SOX6: variants seen among roughly 807,000 people sequenced by gnomAD.
The protein encoded by SOX6 is transcription factor SOX-6.
Under a neutral mutation model 97.8 loss-of-function variants are expected in SOX6, and 11 were observed. That is an observed-to-expected ratio of 0.11 (90% CI 0.07 to 0.19). The LOEUF is 0.19. Ranked by LOEUF, SOX6 falls within the 10% of genes least tolerant of loss-of-function variation. SOX6 has a pLI of 1.00. For missense variants in SOX6, 810 were observed against 1,039.5 expected, an observed-to-expected ratio of 0.78 and a Z score of 3.04; for synonymous variants, 360 against 371.4, an observed-to-expected ratio of 0.97 and a Z score of 0.35.
intron 3 of SOX6, among the ~76,000 whole-genome samples, chr11:16,244,898 A>C (rs1853293148): frequency 6.6e-6 from 1 of 151,820 alleles, no homozygotes; most frequent in Non-Finnish European, 1.5e-5. Flanking sequence ...ACGTGGAATA[A>C]GAATTTGTTC....
intron 15 of SOX6, among the ~76,000 whole-genome samples, chr11:15,976,936 A>T (rs1317392663): frequency 6.6e-6 from 1 of 152,136 alleles, no homozygotes; most frequent in Non-Finnish European, 1.5e-5. Context: ...CCCTCGGAAG[A>T]GTTGGTTATT....
intron 4 of SOX6, among the ~76,000 whole-genome samples, chr11:16,189,169 G>A (rs1851564268): frequency 6.6e-6 from 1 of 152,146 alleles, no homozygotes; most frequent in Non-Finnish European, 1.5e-5. Flanking sequence ...ATGTTCTGTG[G>A]GAGTTTAACC....
intron 6 of SOX6, among the ~76,000 whole-genome samples, chr11:16,163,622 G>C (rs527343190): frequency 6.6e-6 from 1 of 152,284 alleles, no homozygotes; most frequent in Admixed American, 6.5e-5. Context: ...AGGATGAAAA[G>C]TATCTCTCCC....
upstream of SOX6, among the ~76,000 whole-genome samples, chr11:16,356,922 G>A (rs1857091483): frequency 6.6e-6 from 1 of 152,100 alleles, no homozygotes; most frequent in Non-Finnish European, 1.5e-5. Context: ...GTTTGGTAGA[G>A]AGGATACAAT....
intron 4 of SOX6, among the ~76,000 whole-genome samples, chr11:16,199,988 T>G (rs1182455747): frequency 6.6e-6 from 1 of 152,178 alleles, no homozygotes; most frequent in Non-Finnish European, 1.5e-5. Context: ...AAAATTAAAT[T>G]ATATGTCAAT....
chr11:16,307,919 A>G (rs904117469), intron 3 of SOX6, among the ~76,000 whole-genome samples: 1 of 152,150 alleles, frequency 6.6e-6, no homozygotes, highest in African/African-American at 2.4e-5. Flanking sequence ...TGCACTCCCA[A>G]TGCTAGCGGA....
chr11:16,361,094 C>T (rs1857201662), upstream of SOX6, among the ~76,000 whole-genome samples: 1 of 151,856 alleles, frequency 6.6e-6, no homozygotes, highest in Admixed American at 6.6e-5. Flanking sequence ...TATATATATT[C>T]AATCCTTATA....
chr11:16,120,708 A>T (rs1849468855), intron 6 of SOX6, among the ~76,000 whole-genome samples: 1 of 152,020 alleles, frequency 6.6e-6, no homozygotes, highest in Admixed American at 6.6e-5. Context: ...AAAATGCCTA[A>T]ATTATTCACA....
chr11:16,094,439 AAAAGTCCAACAGG>A (rs1252226063), intron 9 of SOX6, among the ~76,000 whole-genome samples: 2 of 151,896 alleles, frequency 1.3e-5, no homozygotes, highest in Non-Finnish European at 2.9e-5. Context: ...AATCCAAAAG[AAAAGTCCAACAGG>A]AAAGTCCAAC....
chr11:16,358,301 C>T (rs1039766540), upstream of SOX6, among the ~76,000 whole-genome samples: 7 of 152,096 alleles, frequency 4.6e-5, no homozygotes, highest in East Asian at 3.8e-4. Context: ...CTGCCATCAA[C>T]GACTTTCAAA....
chr11:16,467,776 CT>C (rs1368290757), intron 1 of SOX6, among the ~76,000 whole-genome samples: 5 of 151,960 alleles, frequency 3.3e-5, no homozygotes, highest in Middle Eastern at 3.4e-3. Context: ...ACATGTACCC[CT>C]GAACTTAAAA....
chr11:16,234,415 A>G (rs952315166), intron 4 of SOX6, among the ~76,000 whole-genome samples, 167 bp downstream of exon 4: 8 of 152,166 alleles, frequency 5.3e-5, no homozygotes, highest in African/African-American at 1.9e-4. Context: ...GTTTGTAAAC[A>G]TTGCAAGGAA....
At chr11:16,735,363 C>A (rs1340754030) in intron 2 of SOX6, among the ~76,000 whole-genome samples, 6 of 152,166 alleles carry the variant, frequency 3.9e-5, no homozygotes, top group Non-Finnish European at 7.4e-5. Flanking sequence ...AGGCCTAGCT[C>A]AAAAACTTTT....
At position 16,613,569 on chromosome 11, in the gene SOX6, A is replaced by C. The variant is rs1848427626; in HGVS notation, n.430-1309T>G. On this transcript the variant is annotated intron_variant and non_coding_transcript_variant, in intron 3 of 5. Coordinates refer to the SOX6 transcript ENST00000524520. This position sits in a 1 kb window ranked among gnomAD's most constrained non-coding sequence, Gnocchi z 4.6. ...GCGGCGTCCCAAACGGGTTCGGCCAAGGGTTTCCACCCCATCACCACTTCC... is the reference window on the plus strand; with the variant it reads ...GCGGCGTCCCAAACGGGTTCGGCCACGGGTTTCCACCCCATCACCACTTCC... Among the ~76,000 whole-genome samples the C allele has an allele frequency of 6.6e-6, 1 of 152,016 alleles. No homozygotes were observed. The highest frequency in any genetic ancestry group is 2.4e-5 in the African/African-American group (1 of 41,394).
chr11:16,225,395 T>C (rs1852655599), intron 4 of SOX6, among the ~76,000 whole-genome samples: 1 of 149,410 alleles, frequency 6.7e-6, no homozygotes, highest in Admixed American at 6.7e-5. Flanking sequence ...ATGCAAAGTT[T>C]ACAGCCATAG....
intron 1 of SOX6, among the ~76,000 whole-genome samples, chr11:16,425,061 T>C (rs1185669356): frequency 6.6e-6 from 1 of 152,250 alleles, no homozygotes; most frequent in Non-Finnish European, 1.5e-5. Context: ...CAGAGGCTTC[T>C]TTTCCTCCTC....
intron 4 of SOX6, among the ~76,000 whole-genome samples, chr11:16,225,059 G>A (rs1816101273): frequency 6.6e-6 from 1 of 151,838 alleles, no homozygotes; most frequent in Non-Finnish European, 1.5e-5. Context: ...AACTGGAAAA[G>A]GAAAAACATC....
chr11:16,300,424 C>G lies in SOX6; in HGVS notation c.445+18022G>C, dbSNP rs922788742. ...CTCAGAGCTGACATTTTTATTCTGA[C>G]AAGCACTGTCTGGAGAGCTCTCAAT... On this transcript the variant is annotated intron_variant, in intron 3 of 15. Transcript: ENST00000683767. This position sits in a 1 kb window ranked among gnomAD's most constrained non-coding sequence, Gnocchi z 4.1. Among the ~76,000 whole-genome samples, 3 of 152,124 alleles carry G rather than the reference C, an allele frequency of 2.0e-5. No individual in the cohort carries two copies. The highest frequency in any genetic ancestry group is 7.2e-5 in the African/African-American group (3 of 41,392).
chr11:16,059,524 CA>C (rs1472472040), intron 9 of SOX6, among the ~76,000 whole-genome samples: 1 of 151,826 alleles, frequency 6.6e-6, no homozygotes, highest in Non-Finnish European at 1.5e-5. Context: ...TTACAGTAAT[CA>C]AAAACAGACC....
Sources: allele counts gnomAD v4.1 joint callset (sites outside exome capture counted in the v4.1 genomes callset), GRCh38; gene constraint gnomAD v4.1.1; non-coding constraint Gnocchi (gnomAD v3.1); transcripts MANE v1.5; gene names NCBI Gene and HGNC (gene_info 2026-07-23, HGNC 2026-07-21).